The following FOXP1 variants were observed in gnomAD, a reference collection of about 807,000 sequenced individuals.
The protein encoded by FOXP1 is forkhead box P1, also known as forkhead box protein P1.
In FOXP1, 15 loss-of-function variants were observed where a neutral mutation model predicts 98.2. The ratio of observed to expected loss-of-function variants is 0.15; its 90% confidence interval spans 0.10 to 0.24. FOXP1 has a LOEUF of 0.24. Among genes scored for constraint, FOXP1 ranks in the 10% least tolerant of loss-of-function variants. FOXP1 has a pLI of 1.00. For missense variants in FOXP1, 633 were observed against 848.5 expected (o/e 0.75, Z 3.15); for synonymous variants, 371 against 314.5 (o/e 1.18, Z -1.90).
chr3:71,141,678 C>T (rs1484501720), intron 6 of FOXP1, among the ~76,000 whole-genome samples: 1 of 152,116 alleles, frequency 6.6e-6, no homozygotes, highest in African/African-American at 2.4e-5. Flanking sequence ...CAGACCTGGC[C>T]CTTCCCTTTC....
In FOXP1 at chr3:71,329,215, C is replaced by CT. The variant is rs540804784; in HGVS notation, c.-72-29336dup. On this transcript the variant is annotated intron_variant, in intron 4 of 20. Coordinates refer to ENST00000649528, the MANE Select transcript of FOXP1 (RefSeq NM_001349338.3). ...ATAGCCTTTCACAAAGTCTAGACCT[C>CT]TTTTTTTTTCTTTTTCTTTTTTTTG... is the stretch of plus-strand genomic sequence containing the variant. 7.2e-3 allele frequency among the ~76,000 whole-genome samples: 1,081 copies of CT among 150,634 alleles called. 27 individuals carry two copies. The highest frequency in any genetic ancestry group is 4.7e-3 in the Non-Finnish European group (319 of 67,634).
intron 6 of FOXP1, among the ~76,000 whole-genome samples, chr3:71,193,521 T>A (rs1223020721): frequency 1.3e-5 from 2 of 150,446 alleles, no homozygotes; most frequent in Non-Finnish European, 2.9e-5. Flanking sequence ...CAACCTTGGC[T>A]CACTGCAACC....
intron 7 of FOXP1, among the ~76,000 whole-genome samples, chr3:71,073,006 CA>C (rs959888471): frequency 6.6e-6 from 1 of 152,192 alleles, no homozygotes; most frequent in African/African-American, 2.4e-5. Flanking sequence ...TTTATTATTT[CA>C]AATGGCATTT....
At position 71,569,018 on chromosome 3, in the gene FOXP1, A is replaced by C. The variant is rs149394035; in HGVS notation, c.-298+12531T>G. Among the ~76,000 whole-genome samples the C allele has an allele frequency of 3.3e-5, 5 of 152,330 alleles. No individual in the cohort carries two copies. In the East Asian group the frequency reaches 9.6e-4, roughly 29 times the overall value. On this transcript the variant is annotated intron_variant, in intron 2 of 20. Coordinates refer to ENST00000649528, the MANE Select transcript of FOXP1 (RefSeq NM_001349338.3). ...CACATTTTTACAGACAACTTGTTTC[A>C]TGGGCTATTTACACTCTATGAGACC... is the stretch of plus-strand genomic sequence containing the variant.
At chr3:71,260,344 G>C (rs540422295) in intron 5 of FOXP1, among the ~76,000 whole-genome samples, 5 of 152,234 alleles carry the variant, frequency 3.3e-5, no homozygotes, top group African/African-American at 1.2e-4. Flanking sequence ...AGATGAAATG[G>C]GCACATGATA....
rs188694006 is a variant in FOXP1, at chr3:71,091,531, A to C, written c.282+21005T>G. ...AAACAAAACAAAACAAACAAACAAA[A>C]AAAAAACTGAGCTTTACTTGGACAA... On this transcript the variant is annotated intron_variant, in intron 7 of 20. Transcript: ENST00000649528. 8.2e-4 allele frequency among the ~76,000 whole-genome samples: 123 copies of C among 149,560 alleles called. 1 individual carries two copies. The highest frequency in any genetic ancestry group is 1.8e-3 in the East Asian group (9 of 5,128).
chr3:71,166,283 G>C (rs2061394023), intron 6 of FOXP1, among the ~76,000 whole-genome samples: 1 of 152,160 alleles, frequency 6.6e-6, no homozygotes, highest in Non-Finnish European at 1.5e-5. Flanking sequence ...ACACAAGCAA[G>C]TGGGGGGTGA....
chr3:71,388,109 T>A (rs1025896611), intron 3 of FOXP1, among the ~76,000 whole-genome samples: 3 of 152,212 alleles, frequency 2.0e-5, no homozygotes, highest in African/African-American at 7.2e-5. Context: ...TTTTTTAATG[T>A]CCTGTAGACT....
chr3:71,273,070 C>T (rs1239737603), intron 5 of FOXP1, among the ~76,000 whole-genome samples: 1 of 152,188 alleles, frequency 6.6e-6, no homozygotes, highest in Non-Finnish European at 1.5e-5. Context: ...TCCCTCTCTG[C>T]TGTTCAATCC....
intron 5 of FOXP1, among the ~76,000 whole-genome samples, chr3:71,200,439 G>T (rs1462920904): frequency 9.2e-5 from 14 of 152,198 alleles, no homozygotes; most frequent in African/African-American, 3.4e-4. Context: ...GGTGGAATCA[G>T]GATTTGAAGC....
chr3:71,259,121 GTGAC>G (rs1359834193), intron 5 of FOXP1, among the ~76,000 whole-genome samples: 2 of 152,002 alleles, frequency 1.3e-5, no homozygotes. Flanking sequence ...TCCAACCTGG[GTGAC>G]AGAGCTAAGA....
chr3:71,563,238 G>GTTGTT (rs973532022), intron 2 of FOXP1, among the ~76,000 whole-genome samples: 73 of 152,296 alleles, frequency 4.8e-4, no homozygotes, highest in African/African-American at 1.5e-3. Flanking sequence ...GGTGCAGTAG[G>GTTGTT]TTGTTTCAGA....
chr3:71,130,380 G>T, intron 6 of FOXP1: 1 of 981,840 alleles, frequency 1.0e-6, no homozygotes, highest in Non-Finnish European at 1.5e-6. Flanking sequence ...AGGAAAAAAA[G>T]CAGTAAACAA....
chr3:71,529,157 T>A (rs545509948), intron 2 of FOXP1, among the ~76,000 whole-genome samples: 1 of 152,224 alleles, frequency 6.6e-6, no homozygotes, highest in African/African-American at 2.4e-5. Context: ...CTCCTGCCCA[T>A]TGATCTAATG....
At chr3:71,259,207 C>A (rs1018373570) in intron 5 of FOXP1, among the ~76,000 whole-genome samples, 1 of 152,082 alleles carries the variant, frequency 6.6e-6, no homozygotes, top group African/African-American at 2.4e-5. Context: ...TGAGTGGGCA[C>A]GGCAACCAAA....
chr3:71,576,422 G>A (rs1341238660), intron 2 of FOXP1, among the ~76,000 whole-genome samples: 2 of 152,170 alleles, frequency 1.3e-5, no homozygotes, highest in Admixed American at 1.3e-4. Flanking sequence ...CCCGAACACA[G>A]CAGACATATG....
chr3:71,311,281 G>C (rs1339416518), intron 4 of FOXP1, among the ~76,000 whole-genome samples: 1 of 152,096 alleles, frequency 6.6e-6, no homozygotes, highest in South Asian at 2.1e-4. Flanking sequence ...GTAGGGACAA[G>C]GTCTCACTAT....
chr3:71,238,625 C>T (rs1335608732), intron 5 of FOXP1, among the ~76,000 whole-genome samples: 1 of 152,204 alleles, frequency 6.6e-6, no homozygotes, highest in African/African-American at 2.4e-5. Flanking sequence ...TCCTGAAAAG[C>T]TATTGGTAAG....
At chr3:71,402,000 A>G (rs1437054373) in intron 3 of FOXP1, among the ~76,000 whole-genome samples, 1 of 152,082 alleles carries the variant, frequency 6.6e-6, no homozygotes, top group East Asian at 1.9e-4. Flanking sequence ...ACGCCATGAG[A>G]GACGGAATGG....
Sources: allele counts gnomAD v4.1 joint callset (sites outside exome capture counted in the v4.1 genomes callset), GRCh38; gene constraint gnomAD v4.1.1; transcripts MANE v1.5; gene names NCBI Gene and HGNC (gene_info 2026-07-23, HGNC 2026-07-21).